The following KPNA6 variants were observed in gnomAD, a reference collection of about 807,000 sequenced individuals.
The protein encoded by KPNA6 is karyopherin subunit alpha 6.
In KPNA6, 9 loss-of-function variants were observed where a neutral mutation model predicts 72.0. That is an observed-to-expected ratio of 0.13 (90% CI 0.08 to 0.22). KPNA6 has a LOEUF of 0.22. KPNA6 is among the 10% of genes least tolerant of loss of function. KPNA6 has a pLI of 1.00. For missense variants in KPNA6, 374 were observed against 655.7 expected (o/e 0.57, Z 4.69); for synonymous variants, 219 against 242.1 (o/e 0.90, Z 0.89).
intron 1 of KPNA6, among the ~76,000 whole-genome samples, chr1:32,109,858 G>A (rs1234208448): frequency 6.6e-6 from 1 of 151,378 alleles, no homozygotes; most frequent in African/African-American, 2.4e-5. Context: ...GGGTTTCACC[G>A]TGTTAGCCAG....
intron 1 of KPNA6, among the ~76,000 whole-genome samples, chr1:32,119,506 G>A (rs1242648735): frequency 6.6e-6 from 1 of 152,082 alleles, no homozygotes; most frequent in Non-Finnish European, 1.5e-5. Context: ...TCTAGGCCCT[G>A]GAAATACAGT....
At chr1:32,111,471 C>T (rs1641242839) in intron 1 of KPNA6, among the ~76,000 whole-genome samples, 1 of 152,194 alleles carries the variant, frequency 6.6e-6, no homozygotes, top group African/African-American at 2.4e-5. Flanking sequence ...TCAGGTACCT[C>T]TCCCTCATCG....
chr1:32,113,294 G>C (rs1641271157), intron 1 of KPNA6, among the ~76,000 whole-genome samples: 1 of 152,092 alleles, frequency 6.6e-6, no homozygotes, highest in South Asian at 2.1e-4. Context: ...TCAGGAAACT[G>C]AAGTGGGAGA....
At chr1:32,125,651 CTT>C (rs1433019150) in intron 1 of KPNA6, among the ~76,000 whole-genome samples, 2 of 152,262 alleles carry the variant, frequency 1.3e-5, no homozygotes, top group East Asian at 3.9e-4. Context: ...AACGTCTTAA[CTT>C]TTTTTCTCCC....
intron 12 of KPNA6, 131 bp from the exon 13 acceptor site, chr1:32,169,751 C>A: frequency 1.3e-6 from 1 of 774,002 alleles, no homozygotes; most frequent in Non-Finnish European, 2.0e-6. Flanking sequence ...TGAACCACCG[C>A]GCTCGGCCTC....
intron 10 of KPNA6, among the ~76,000 whole-genome samples, chr1:32,164,976 C>T (rs1010904033): frequency 1.3e-5 from 2 of 151,950 alleles, no homozygotes; most frequent in African/African-American, 2.4e-5. Context: ...CGGCTCACTG[C>T]AACCTCTGCC....
chr1:32,161,486 A>C (rs1350759598), intron 7 of KPNA6, among the ~76,000 whole-genome samples: 1 of 152,206 alleles, frequency 6.6e-6, no homozygotes, highest in Non-Finnish European at 1.5e-5. Flanking sequence ...TTCTTCAGAG[A>C]CCACAGTCTC....
chr1:32,122,424 T>C (rs897097734), intron 1 of KPNA6, among the ~76,000 whole-genome samples: 2 of 150,038 alleles, frequency 1.3e-5, no homozygotes, highest in African/African-American at 4.9e-5. Context: ...TTTAGCATCA[T>C]GTACTTGGTA....
chr1:32,138,020 A>G (rs1401280772), intron 1 of KPNA6, among the ~76,000 whole-genome samples: 1 of 151,672 alleles, frequency 6.6e-6, no homozygotes, highest in Non-Finnish European at 1.5e-5. Context: ...CTGTAATCCC[A>G]GCTACTTGGG....
rs993668035 is a variant in KPNA6 at position 32,173,472 on chromosome 1, G to A, written c.*2578G>A. Reference sequence around the variant, plus strand: ...AAGGCTAAAGTCTACTAGGGGCAGAGTGTGAGGATAGATTTCTAATCAGAG... The same window carrying A: ...AAGGCTAAAGTCTACTAGGGGCAGAATGTGAGGATAGATTTCTAATCAGAG... On this transcript the variant is annotated 3_prime_UTR_variant, in exon 14 of 14. Transcript: ENST00000373625. 24 of 190,866 alleles carry A rather than the reference G, an allele frequency of 1.3e-4. No individual in the cohort carries two copies. The highest frequency in any genetic ancestry group is 2.1e-4 in the Non-Finnish European group (20 of 93,776). 11.8% of individuals were successfully genotyped at this position (190,866 alleles called of 1,614,324 possible).
chr1:32,110,065 T>TTC lies in KPNA6; in HGVS notation c.4+1932_4+1933insCT, dbSNP rs1171411015. Reference sequence around the variant, plus strand: ...GAGAATCTGGAATTGAATTTTTTTTTTTTTTTTTTTTTTTCTGAGAAGAAA... The same window carrying TTC: ...GAGAATCTGGAATTGAATTTTTTTTTTCTTTTTTTTTTTTTTCTGAGAAGAAA... On this transcript the variant is annotated intron_variant, in intron 1 of 13. Coordinates refer to ENST00000373625, the MANE Select transcript of KPNA6 (RefSeq NM_012316.5). Among the ~76,000 whole-genome samples the TTC allele has an allele frequency of 2.0e-5, 3 of 148,876 alleles. No homozygotes were observed. The East Asian group carries it at 5.9e-4, about 29-fold the overall frequency.
intron 1 of KPNA6, among the ~76,000 whole-genome samples, chr1:32,132,890 G>A (rs759960225): frequency 4.8e-4 from 73 of 151,612 alleles, no homozygotes; most frequent in Admixed American, 2.5e-3. Context: ...GCGACAGAGC[G>A]AGACTCCGTC....
chr1:32,121,312 C>T (rs1256325801), intron 1 of KPNA6, among the ~76,000 whole-genome samples: 1 of 151,916 alleles, frequency 6.6e-6, no homozygotes, highest in Non-Finnish European at 1.5e-5. Flanking sequence ...TGGCTGAAGC[C>T]AAGGGGAAAA....
Position 32,175,829 on chromosome 1 carries a change from G to A in KPNA6, c.*4935G>A, listed in dbSNP as rs1280726716. ...ATCCACATCTTCAGCTGGGCGCGGTGGCTCATGCCTGTAATCCTAGCACTT... is the reference window on the plus strand; with the variant it reads ...ATCCACATCTTCAGCTGGGCGCGGTAGCTCATGCCTGTAATCCTAGCACTT... On this transcript the variant is annotated 3_prime_UTR_variant, in exon 14 of 14. Coordinates refer to ENST00000373625, the MANE Select transcript of KPNA6 (RefSeq NM_012316.5). 6.6e-6 allele frequency: 1 copy of A among 151,442 alleles called. No individual in the cohort carries two copies. The highest frequency in any genetic ancestry group is 1.5e-5 in the Non-Finnish European group (1 of 68,056). The allele number at this position is 151,442 out of a possible 1,614,324, so 9.4% of individuals were successfully genotyped here. A position where few individuals can be genotyped will look rare whatever the true frequency, so the allele number is the denominator to read the frequency against.
At chr1:32,155,275 T>C (rs1197431435) in intron 2 of KPNA6, among the ~76,000 whole-genome samples, 4 of 151,810 alleles carry the variant, frequency 2.6e-5, no homozygotes, top group African/African-American at 2.4e-5. Context: ...ATGTCTTTAC[T>C]GTAACATTCT....
At chr1:32,153,120 A>G (rs577946422) in intron 1 of KPNA6, among the ~76,000 whole-genome samples, 2 of 152,106 alleles carry the variant, frequency 1.3e-5, no homozygotes, top group South Asian at 4.1e-4. Context: ...CATATAGTAG[A>G]GAAGACTCAA....
At chr1:32,129,866 C>T (rs1315217011) in intron 1 of KPNA6, among the ~76,000 whole-genome samples, 1 of 152,100 alleles carries the variant, frequency 6.6e-6, no homozygotes, top group Non-Finnish European at 1.5e-5. Context: ...CATTGACACT[C>T]CTGGGAGCAC....
chr1:32,155,739 TTTA>T (rs1389421110), intron 2 of KPNA6, among the ~76,000 whole-genome samples: 1 of 145,342 alleles, frequency 6.9e-6, no homozygotes, highest in Non-Finnish European at 1.5e-5. Flanking sequence ...TATTTATTTA[TTTA>T]TTGAGACAAG....
chr1:32,119,221 G>A (rs531749172), intron 1 of KPNA6, among the ~76,000 whole-genome samples: 2 of 150,904 alleles, frequency 1.3e-5, no homozygotes, highest in African/African-American at 2.4e-5. Flanking sequence ...AGTAGAGGTG[G>A]GGTTTCACCA....
Sources: allele counts gnomAD v4.1 joint callset (sites outside exome capture counted in the v4.1 genomes callset), GRCh38; gene constraint gnomAD v4.1.1; transcripts MANE v1.5; gene names NCBI Gene and HGNC (gene_info 2026-07-23, HGNC 2026-07-21).